The following HSPA12A variants were observed in gnomAD, a reference collection of about 807,000 sequenced individuals.
HSPA12A encodes the protein heat shock protein family A (Hsp70) member 12A, also known as heat shock 70 kDa protein 12A.
A neutral mutation model predicts 69.2 loss-of-function variants in HSPA12A; 28 were observed. The observed-to-expected ratio is 0.40, with a 90% CI of 0.30 to 0.55. HSPA12A has a LOEUF of 0.55. Ranked by LOEUF, HSPA12A falls within the 20% of genes least tolerant of loss-of-function variation. HSPA12A has a pLI of 0.38. For synonymous variants in HSPA12A, 345 were observed against 370.5 expected, an observed-to-expected ratio of 0.93 and a Z score of 0.79; for missense variants, 686 against 900.7, an observed-to-expected ratio of 0.76 and a Z score of 3.05.
At chr10:116,798,239 C>A (rs1005813041) in intron 2 of HSPA12A, among the ~76,000 whole-genome samples, 2 of 152,100 alleles carry the variant, frequency 1.3e-5, no homozygotes, top group African/African-American at 4.8e-5. Context: ...GCAGCCACTG[C>A]AACCTTCTGG....
At chr10:116,789,497 G>A (rs773098416) in intron 2 of HSPA12A, among the ~76,000 whole-genome samples, 1 of 151,952 alleles carries the variant, frequency 6.6e-6, no homozygotes, top group Non-Finnish European at 1.5e-5. Context: ...TTATCCTCTC[G>A]ATGATAGAAT....
intron 5 of HSPA12A, among the ~76,000 whole-genome samples, chr10:116,695,487 T>G (rs12267529): frequency 0.61 from 91,777 of 151,150 alleles, 27,827 homozygotes; most frequent in Middle Eastern, 0.7. Context: ...TTCGAGACCA[T>G]CCTGGCCAAC....
At chr10:116,705,105 C>T (rs1554882184) in intron 3 of HSPA12A, 46 bp downstream of exon 3, 1 of 1,609,500 alleles carries the variant, frequency 6.2e-7, no homozygotes. Context: ...TCCACAGGTG[C>T]AGTGGTTGGC....
At chr10:116,809,268 C>A (rs905173056) in intron 2 of HSPA12A, among the ~76,000 whole-genome samples, 1 of 152,166 alleles carries the variant, frequency 6.6e-6, no homozygotes, top group South Asian at 2.1e-4. Flanking sequence ...ACCACTGAGG[C>A]TACTCATGAC....
chr10:116,806,980 C>T (rs927726004), intron 2 of HSPA12A, among the ~76,000 whole-genome samples: 1 of 152,172 alleles, frequency 6.6e-6, no homozygotes, highest in East Asian at 1.9e-4. Flanking sequence ...GAGAGACACA[C>T]AGGTAGAGGA....
At chr10:116,835,061 C>A (rs1451795738) in intron 1 of HSPA12A, 9 of 1,188,498 alleles carry the variant, frequency 7.6e-6, no homozygotes, top group South Asian at 4.3e-5. Flanking sequence ...GTGAAAATGT[C>A]GATTTGTTTC....
chr10:116,772,296 G>A, intron 2 of HSPA12A, among the ~76,000 whole-genome samples: 1 of 152,120 alleles, frequency 6.6e-6, no homozygotes, highest in Non-Finnish European at 1.5e-5. Context: ...GAAGAGAGGA[G>A]ATCCCAGGAC....
At chr10:116,825,281 G>C (rs1845482753) in intron 2 of HSPA12A, among the ~76,000 whole-genome samples, 1 of 151,842 alleles carries the variant, frequency 6.6e-6, no homozygotes, top group Non-Finnish European at 1.5e-5. Context: ...AGGCCTAGAT[G>C]GGAGGATCAC....
intron 2 of HSPA12A, among the ~76,000 whole-genome samples, chr10:116,805,446 C>T (rs191226766): frequency 2.8e-4 from 42 of 152,158 alleles, no homozygotes; most frequent in Admixed American, 2.7e-3. Context: ...CCATGTGGCA[C>T]ATTTTATTTT....
chr10:116,732,786 C>A (rs572455927), intron 1 of HSPA12A, among the ~76,000 whole-genome samples: 1 of 152,290 alleles, frequency 6.6e-6, no homozygotes, highest in East Asian at 1.9e-4. Flanking sequence ...ATCCTTGTGC[C>A]GTCTCTGAGT....
intron 2 of HSPA12A, among the ~76,000 whole-genome samples, chr10:116,765,744 G>C (rs1189569685): frequency 1.3e-5 from 2 of 152,178 alleles, no homozygotes; most frequent in Admixed American, 6.5e-5. Context: ...TGCTGTTCTC[G>C]AGGGTGGTGA....
rs782474572 is a variant in HSPA12A at position 116,698,567 on chromosome 10, G to A, written c.546+68C>T. 83 of 1,275,180 alleles carry A rather than the reference G, an allele frequency of 6.5e-5. No individual in the cohort carries two copies. In the East Asian group the frequency reaches 1.2e-3, roughly 18 times the overall value. 79.0% of individuals were successfully genotyped at this position (1,275,180 alleles called of 1,614,324 possible). A position where few individuals can be genotyped will look rare whatever the true frequency, so the allele number is the denominator to read the frequency against. ...CCCTGGCCAGCAGGTGCAGCAGCCC[G>A]AGACACGGAGCTGGCACGGGTGCCA... is the stretch of plus-strand genomic sequence containing the variant. On this transcript the variant is annotated intron_variant, in intron 5 of 11. Transcript: ENST00000369209.
At chr10:116,695,442 G>C (rs1554880695) in intron 5 of HSPA12A, among the ~76,000 whole-genome samples, 4 of 152,062 alleles carry the variant, frequency 2.6e-5, no homozygotes, top group African/African-American at 9.7e-5. Context: ...CCAGCACTTT[G>C]AGTGGCCAAG....
chr10:116,789,840 C>G (rs1436691006), intron 2 of HSPA12A, among the ~76,000 whole-genome samples: 2 of 152,278 alleles, frequency 1.3e-5, no homozygotes, highest in African/African-American at 4.8e-5. Context: ...CCTGGAAGCT[C>G]TCTCCAGACT....
At chr10:116,775,537 A>G (rs1844315727) in intron 2 of HSPA12A, among the ~76,000 whole-genome samples, 1 of 152,202 alleles carries the variant, frequency 6.6e-6, no homozygotes, top group South Asian at 2.1e-4. Flanking sequence ...GTCTGTTCCC[A>G]CTGACAGCCT....
intron 2 of HSPA12A, among the ~76,000 whole-genome samples, chr10:116,786,949 CAT>C (rs921553516): frequency 6.6e-6 from 1 of 151,692 alleles, no homozygotes; most frequent in African/African-American, 2.4e-5. Context: ...CTCCTGGGGA[CAT>C]GTTTTAAGTG....
In HSPA12A at chr10:116,686,420, A is replaced by G. The variant is rs782742541; in HGVS notation, c.664-2458T>C. ...AAAACGGGGTGAGGAAGAAGGGACA[A>G]CTTGCTGCAAAGAAACTGCCAGGCC... is the stretch of plus-strand genomic sequence containing the variant. On this transcript the variant is annotated intron_variant, in intron 6 of 11. Coordinates refer to ENST00000369209, the MANE Select transcript of HSPA12A (RefSeq NM_025015.3). This position sits in a 1 kb window ranked among gnomAD's most constrained non-coding sequence, Gnocchi z 4.1. 1.3e-5 allele frequency among the ~76,000 whole-genome samples: 2 copies of G among 152,206 alleles called. No individual in the cohort carries two copies. The highest frequency in any genetic ancestry group is 2.9e-5 in the Non-Finnish European group (2 of 68,040).
chr10:116,846,115 A>G (rs1845875867), intron 1 of HSPA12A, among the ~76,000 whole-genome samples: 1 of 152,174 alleles, frequency 6.6e-6, no homozygotes, highest in African/African-American at 2.4e-5. Context: ...GTGGCATTCA[A>G]TATTTGTTGA....
At chr10:116,679,998 CT>C (rs34611279) in intron 9 of HSPA12A, among the ~76,000 whole-genome samples, 1 of 151,950 alleles carries the variant, frequency 6.6e-6, no homozygotes, top group Admixed American at 6.6e-5. Flanking sequence ...TTTGTGTTTT[CT>C]TTTTTTTGAG....
Sources: allele counts gnomAD v4.1 joint callset (sites outside exome capture counted in the v4.1 genomes callset), GRCh38; gene constraint gnomAD v4.1.1; non-coding constraint Gnocchi (gnomAD v3.1); transcripts MANE v1.5; gene names NCBI Gene and HGNC (gene_info 2026-07-23, HGNC 2026-07-21).